CAMK1D: variants seen among roughly 807,000 people sequenced by gnomAD.
The protein encoded by CAMK1D is calcium/calmodulin dependent protein kinase ID.
In CAMK1D, 9 loss-of-function variants were observed where a neutral mutation model predicts 47.7. The observed-to-expected ratio is 0.19, with a 90% CI of 0.11 to 0.33. CAMK1D has a LOEUF of 0.33. CAMK1D is among the 10% of genes least tolerant of loss of function. The probability of loss-of-function intolerance (pLI) is 1.00; values close to 1 mark genes in which losing one functional copy is unlikely to be tolerated. For missense variants in CAMK1D, 291 were observed against 488.7 expected (o/e 0.60, Z 3.81); for synonymous variants, 184 against 184.9 (o/e 0.99, Z 0.04).
intron 2 of CAMK1D, among the ~76,000 whole-genome samples, chr10:12,575,725 G>T (rs777183735): frequency 1.1e-4 from 17 of 152,180 alleles, no homozygotes; most frequent in Non-Finnish European, 2.4e-4. Flanking sequence ...CATTCCCAGG[G>T]ACCCGTGGAC....
intron 6 of CAMK1D, among the ~76,000 whole-genome samples, chr10:12,813,449 T>C (rs1002021025): frequency 1.2e-4 from 19 of 152,204 alleles, no homozygotes; most frequent in Admixed American, 1.2e-3. Context: ...AACATATCTT[T>C]TGTTTGTTTT....
At chr10:12,394,011 C>T (rs1024312292) in intron 1 of CAMK1D, among the ~76,000 whole-genome samples, 2 of 152,218 alleles carry the variant, frequency 1.3e-5, no homozygotes, top group African/African-American at 4.8e-5. Flanking sequence ...CCCGACACCC[C>T]CTCCGCTTCA....
intron 1 of CAMK1D, among the ~76,000 whole-genome samples, chr10:12,430,332 A>G (rs75808748): frequency 0.011 from 1,712 of 152,316 alleles, 23 homozygotes; most frequent in African/African-American, 0.039. Context: ...CCCACAAGGC[A>G]CTGACCAGCC....
intron 1 of CAMK1D, among the ~76,000 whole-genome samples, chr10:12,548,199 G>A (rs577490327): frequency 2.6e-4 from 39 of 152,270 alleles, no homozygotes; most frequent in Admixed American, 3.9e-4. Flanking sequence ...TCATGGGGTC[G>A]CTGTAAGGAG....
At chr10:12,465,261 C>T (rs1233289917) in intron 1 of CAMK1D, among the ~76,000 whole-genome samples, 1 of 152,212 alleles carries the variant, frequency 6.6e-6, no homozygotes, top group African/African-American at 2.4e-5. Flanking sequence ...CCCCTGAATT[C>T]AGAGAGTTTT....
intron 1 of CAMK1D, among the ~76,000 whole-genome samples, chr10:12,536,589 G>A (rs1266442262): frequency 6.6e-6 from 1 of 152,166 alleles, no homozygotes; most frequent in Non-Finnish European, 1.5e-5. Context: ...TGGCCTTCAA[G>A]CCATTGCACC....
intron 5 of CAMK1D, among the ~76,000 whole-genome samples, chr10:12,788,246 A>G (rs1430713026): frequency 3.3e-5 from 5 of 152,124 alleles, no homozygotes; most frequent in African/African-American, 4.8e-5. Context: ...GATGGAGTGC[A>G]ATGGCGTGAT....
At chr10:12,750,325 A>G (rs1444728736) in intron 3 of CAMK1D, among the ~76,000 whole-genome samples, 1 of 151,992 alleles carries the variant, frequency 6.6e-6, no homozygotes, top group African/African-American at 2.4e-5. Context: ...TCACTCACTT[A>G]CCCTTTAGCA....
intron 2 of CAMK1D, among the ~76,000 whole-genome samples, chr10:12,590,523 G>A (rs1468633128): frequency 6.6e-6 from 1 of 152,194 alleles, no homozygotes; most frequent in Non-Finnish European, 1.5e-5. Context: ...ACTTTGCCTG[G>A]CCCTGGGTCT....
intron 1 of CAMK1D, among the ~76,000 whole-genome samples, chr10:12,410,319 G>T (rs534942750): frequency 1.3e-5 from 2 of 152,132 alleles, no homozygotes; most frequent in East Asian, 3.9e-4. Context: ...TCTTGAGTGT[G>T]TATCTCTCTG....
At chr10:12,664,924 A>G (rs1025221408) in intron 2 of CAMK1D, among the ~76,000 whole-genome samples, 2 of 152,216 alleles carry the variant, frequency 1.3e-5, no homozygotes, top group Non-Finnish European at 2.9e-5. Context: ...ATTGATTCCA[A>G]TTGCAAATTA....
chr10:12,562,248 C>T (rs1270840970), intron 2 of CAMK1D, among the ~76,000 whole-genome samples: 42 of 152,266 alleles, frequency 2.8e-4, no homozygotes, highest in Non-Finnish European at 5.9e-5. Flanking sequence ...ACCACCCCCC[C>T]TTAAAACAAC....
intron 3 of CAMK1D, among the ~76,000 whole-genome samples, chr10:12,715,492 A>G (rs1467844429): frequency 6.6e-6 from 1 of 152,238 alleles, no homozygotes; most frequent in East Asian, 1.9e-4. Context: ...GGATACAGCC[A>G]TTCTGTGCAA....
chr10:12,370,612 GTTCT>G (rs1837975768), intron 1 of CAMK1D, among the ~76,000 whole-genome samples: 1 of 152,016 alleles, frequency 6.6e-6, no homozygotes, highest in African/African-American at 2.4e-5. Context: ...GTGTGTTTGT[GTTCT>G]TTGTTTTCTT....
At chr10:12,501,588 A>G (rs577760593) in intron 1 of CAMK1D, among the ~76,000 whole-genome samples, 109 of 152,280 alleles carry the variant, frequency 7.2e-4, no homozygotes, top group African/African-American at 2.4e-3. Flanking sequence ...GACTCTGTTC[A>G]CCAGGAATTC....
rs1300903656 is a variant in CAMK1D at position 12,769,697 on chromosome 10, C to A, written c.463C>A (p.Gln155Lys). ...LKPENLLYYS[Q>K]DEESKIMISD... ...GCCCGAAAATCTCTTGTACTACAGT[C>A]AAGATGAGGAGTCCAAAATAATGAT... The change falls in exon 5 of 11, where the codon CAA (glutamine) becomes AAA (lysine). Residue 155 changes from glutamine to lysine, a missense_variant. This residue lies in a region of CAMK1D where 219 missense variants were observed against 424.3 expected (regional missense o/e 0.52). Coordinates refer to ENST00000619168, the MANE Select transcript of CAMK1D (RefSeq NM_153498.4). 6.2e-7 allele frequency: 1 copy of A among 1,614,012 alleles called. No individual in the cohort carries two copies. The highest frequency in any genetic ancestry group is 1.3e-5 in the African/African-American group (1 of 74,908).
chr10:12,691,500 T>G (rs1224278886), intron 3 of CAMK1D, among the ~76,000 whole-genome samples: 1 of 146,496 alleles, frequency 6.8e-6, no homozygotes, highest in African/African-American at 2.6e-5. Flanking sequence ...TGGTGCGATC[T>G]CAGCTCACTG....
At chr10:12,499,243 G>T (rs1834630215) in intron 1 of CAMK1D, among the ~76,000 whole-genome samples, 1 of 152,092 alleles carries the variant, frequency 6.6e-6, no homozygotes. Flanking sequence ...GTACTCAGAG[G>T]CTGAACTGAT....
In CAMK1D at chr10:12,739,661, G is replaced by T. The variant is rs188649202; in HGVS notation, c.300-21287G>T. Among the ~76,000 whole-genome samples, 369 of 152,194 alleles carry T rather than the reference G, an allele frequency of 2.4e-3. 1 individual carries two copies. Among genetic ancestry groups the T allele is most frequent in the Middle Eastern group, 0.014 (4 of 294 alleles). ...AGGATAAAGGTAAAATATTAATTCT[G>T]GGTGCCCTTTGGTGGTGGAGTTTGG... On this transcript the variant is annotated intron_variant, in intron 3 of 10. Transcript: ENST00000619168.
Sources: allele counts gnomAD v4.1 joint callset (sites outside exome capture counted in the v4.1 genomes callset), GRCh38; gene constraint gnomAD v4.1.1; regional missense constraint gnomAD v4.1.1; transcripts MANE v1.5; gene names NCBI Gene and HGNC (gene_info 2026-07-23, HGNC 2026-07-21).